CNTNAP2: variants seen among roughly 807,000 people sequenced by gnomAD.
The protein encoded by CNTNAP2 is contactin associated protein 2.
A neutral mutation model predicts 155.2 loss-of-function variants in CNTNAP2; 98 were observed. That is an observed-to-expected ratio of 0.63 (90% CI 0.54 to 0.75). The LOEUF is 0.75. Among genes scored for constraint, CNTNAP2 ranks in the 30% least tolerant of loss-of-function variants. CNTNAP2 has a pLI of 0.00. For synonymous variants in CNTNAP2, 651 were observed against 631.2 expected, an observed-to-expected ratio of 1.03 and a Z score of -0.47; for missense variants, 1,727 against 1,688.1, an observed-to-expected ratio of 1.02 and a Z score of -0.40.
chr7:146,523,696 C>A (rs984835098), intron 1 of CNTNAP2, among the ~76,000 whole-genome samples: 24 of 152,154 alleles, frequency 1.6e-4, no homozygotes, highest in Middle Eastern at 3.4e-3. Flanking sequence ...CGTCTTTTGA[C>A]CTAAATGGTG....
At chr7:146,896,346 G>A (rs1276920567) in intron 3 of CNTNAP2, among the ~76,000 whole-genome samples, 1 of 151,948 alleles carries the variant, frequency 6.6e-6, no homozygotes, top group Non-Finnish European at 1.5e-5. Context: ...TTTTACTTGG[G>A]TGATGCCTAC....
intron 1 of CNTNAP2, among the ~76,000 whole-genome samples, chr7:146,612,579 T>C (rs560490662): frequency 1.3e-5 from 2 of 151,972 alleles, no homozygotes; most frequent in South Asian, 2.1e-4. Flanking sequence ...GAGCAAAAGA[T>C]GTAGAACTCC....
At chr7:147,336,751 A>G (rs1795671569) in intron 9 of CNTNAP2, among the ~76,000 whole-genome samples, 1 of 152,112 alleles carries the variant, frequency 6.6e-6, no homozygotes. Context: ...CTGCTCCCTC[A>G]ATGCTAGGAC....
chr7:147,955,012 A>G (rs118100400), intron 14 of CNTNAP2, among the ~76,000 whole-genome samples: 16 of 152,330 alleles, frequency 1.1e-4, no homozygotes, highest in Non-Finnish European at 2.2e-4. Context: ...GAATCCAGAT[A>G]GTGCAGCAAA....
intron 8 of CNTNAP2, among the ~76,000 whole-genome samples, chr7:147,171,822 A>ATT (rs11374000): frequency 6.0e-5 from 9 of 150,214 alleles, no homozygotes; most frequent in Non-Finnish European, 8.9e-5. Context: ...TGAGTCAGGC[A>ATT]TTTTTTTTTT....
intron 2 of CNTNAP2, among the ~76,000 whole-genome samples, chr7:146,791,498 C>T (rs1293552768): frequency 6.6e-6 from 1 of 152,134 alleles, no homozygotes; most frequent in Non-Finnish European, 1.5e-5. Context: ...TTTAGGTAGA[C>T]AGACCCAGAG....
chr7:146,208,481 C>G (rs1466743324), intron 1 of CNTNAP2, among the ~76,000 whole-genome samples: 2 of 151,856 alleles, frequency 1.3e-5, no homozygotes, highest in Non-Finnish European at 2.9e-5. Context: ...TGTCCTTACC[C>G]TTTGATTTCT....
At chr7:146,934,272 T>G (rs1485849456) in intron 3 of CNTNAP2, among the ~76,000 whole-genome samples, 2 of 152,018 alleles carry the variant, frequency 1.3e-5, no homozygotes, top group African/African-American at 2.4e-5. Flanking sequence ...TAAGAAATGA[T>G]GAGTTCATGT....
At chr7:147,070,488 T>G (rs1326245999) in intron 4 of CNTNAP2, among the ~76,000 whole-genome samples, 1 of 152,160 alleles carries the variant, frequency 6.6e-6, no homozygotes, top group African/African-American at 2.4e-5. Flanking sequence ...AGATCCTAAC[T>G]GACAGTCTGA....
chr7:146,629,453 G>A (rs962236725), intron 1 of CNTNAP2, among the ~76,000 whole-genome samples: 2 of 152,018 alleles, frequency 1.3e-5, no homozygotes, highest in East Asian at 1.9e-4. Context: ...TTTTAAAAAT[G>A]TAGAACAGAG....
Position 148,401,078 on chromosome 7 carries a change from G to A in CNTNAP2, c.3716-8313G>A, listed in dbSNP as rs534710067. ...CAGTACAGCTGAAACTTTTTTTCCC[G>A]AATATTTTTGATCTGAGTTTGGTTG... On this transcript the variant is annotated intron_variant, in intron 22 of 23. Coordinates refer to ENST00000361727, the MANE Select transcript of CNTNAP2 (RefSeq NM_014141.6). Among the ~76,000 whole-genome samples the A allele has an allele frequency of 3.3e-5, 5 of 152,122 alleles. No homozygotes were observed. The South Asian group carries it at 6.2e-4, about 19-fold the overall frequency.
At chr7:147,277,678 A>G (rs1345066809) in intron 8 of CNTNAP2, among the ~76,000 whole-genome samples, 1 of 151,840 alleles carries the variant, frequency 6.6e-6, no homozygotes, top group Non-Finnish European at 1.5e-5. Context: ...ATTTACTCGT[A>G]TTATAGTCTA....
rs149326155 is a variant in CNTNAP2, at chr7:147,793,270, A to G, written c.2099-110295A>G. On this transcript the variant is annotated intron_variant, in intron 13 of 23. Transcript: ENST00000361727. ...AAGAAACCATTTCTAATTCAAAGAC[A>G]TGAAGACTTACTACACCTATGTTTT... 5.7e-3 allele frequency among the ~76,000 whole-genome samples: 866 copies of G among 152,204 alleles called. 6 individuals carry two copies. The highest frequency in any genetic ancestry group is 0.02 in the African/African-American group (812 of 41,542).
At chr7:147,075,297 A>G (rs1359927685) in intron 4 of CNTNAP2, among the ~76,000 whole-genome samples, 5 of 152,136 alleles carry the variant, frequency 3.3e-5, no homozygotes, top group Non-Finnish European at 5.9e-5. Flanking sequence ...TTATGTGTCG[A>G]TTTAACCTAC....
chr7:147,732,181 T>TCCCC (rs199519152), intron 13 of CNTNAP2, among the ~76,000 whole-genome samples: 2,229 of 108,316 alleles, frequency 0.021, no homozygotes, highest in East Asian at 0.028. Context: ...ATGCTATCCC[T>TCCCC]CCCCCCCCCA....
At chr7:147,191,083 A>G (rs938690157) in intron 8 of CNTNAP2, among the ~76,000 whole-genome samples, 8 of 152,066 alleles carry the variant, frequency 5.3e-5, no homozygotes, top group Admixed American at 3.3e-4. Context: ...CTGTAAAATG[A>G]CTCACCATGT....
intron 8 of CNTNAP2, among the ~76,000 whole-genome samples, chr7:147,263,342 C>T (rs1804535142): frequency 6.7e-6 from 1 of 149,338 alleles, no homozygotes; most frequent in African/African-American, 2.5e-5. Flanking sequence ...GCCTGGGTGA[C>T]AGAGGGAGAC....
At chr7:147,142,827 C>T (rs1024314786) in intron 8 of CNTNAP2, among the ~76,000 whole-genome samples, 1 of 152,142 alleles carries the variant, frequency 6.6e-6, no homozygotes, top group African/African-American at 2.4e-5. Flanking sequence ...TCCACTGGAG[C>T]ATTTGGCCTC....
intron 15 of CNTNAP2, among the ~76,000 whole-genome samples, chr7:148,101,802 C>T (rs753047356): frequency 1.3e-5 from 2 of 152,128 alleles, no homozygotes; most frequent in African/African-American, 2.4e-5. Context: ...TTCAGATTAG[C>T]GTAACCCACA....
Sources: allele counts gnomAD v4.1 joint callset (sites outside exome capture counted in the v4.1 genomes callset), GRCh38; gene constraint gnomAD v4.1.1; transcripts MANE v1.5; gene names NCBI Gene and HGNC (gene_info 2026-07-23, HGNC 2026-07-21).